Variants in HS3ST1 observed in about 807,000 individuals in gnomAD.
HS3ST1 encodes heparan sulfate glucosamine 3-O-sulfotransferase 1.
In HS3ST1, 8 loss-of-function variants were observed where a neutral mutation model predicts 20.7. The observed-to-expected ratio is 0.39, with a 90% CI of 0.23 to 0.70. The LOEUF (loss-of-function observed/expected upper bound fraction) is 0.70, where lower values mean the gene tolerates loss of function less well. Among genes scored for constraint, HS3ST1 ranks in the 30% least tolerant of loss-of-function variants. The pLI, the probability that HS3ST1 is intolerant of heterozygous loss-of-function variation, is 0.46. For synonymous variants in HS3ST1, 205 were observed against 190.4 expected (o/e 1.08, Z -0.63); for missense variants, 436 against 423.4 (o/e 1.03, Z -0.26).
chr4:11,418,405 A>G (rs190339235), intron 1 of HS3ST1, among the ~76,000 whole-genome samples: 2 of 152,362 alleles, frequency 1.3e-5, no homozygotes, highest in Admixed American at 6.5e-5. Context: ...TTCTCACAAC[A>G]AAAGTCCATA....
chr4:11,413,891 GA>G (rs112181999), intron 1 of HS3ST1, among the ~76,000 whole-genome samples: 7,385 of 150,402 alleles, frequency 0.049, 203 homozygotes, highest in Non-Finnish European at 0.055. Context: ...TTTCAAAATT[GA>G]AAAAAAAACC....
rs1718053628 is a variant in HS3ST1, at chr4:11,393,335, C to A, written c.*5747G>T. On this transcript the variant is annotated 3_prime_UTR_variant, in exon 2 of 2. Transcript: ENST00000002596. ...AATAAAAGAGCCTACTACTTGGTAACAATTTCAGCCATTATTGAATTTAAC... is the reference window on the plus strand; with the variant it reads ...AATAAAAGAGCCTACTACTTGGTAAAAATTTCAGCCATTATTGAATTTAAC... 1 of 152,216 alleles carries A rather than the reference C, an allele frequency of 6.6e-6. No homozygotes were observed. Among genetic ancestry groups the A allele is most frequent in the Non-Finnish European group, 1.5e-5 (1 of 68,036 alleles). The allele number at this position is 152,216 out of a possible 1,614,324, so 9.4% of individuals were successfully genotyped here.
intron 1 of HS3ST1, among the ~76,000 whole-genome samples, chr4:11,421,002 TCTTA>T (rs995905134): frequency 2.6e-5 from 4 of 152,232 alleles, no homozygotes; most frequent in African/African-American, 9.6e-5. Context: ...ATGACACATT[TCTTA>T]CTTTTTAGTA....
At chr4:11,408,619 T>C (rs1718533881) in intron 1 of HS3ST1, among the ~76,000 whole-genome samples, 1 of 152,184 alleles carries the variant, frequency 6.6e-6, no homozygotes, top group Non-Finnish European at 1.5e-5. Flanking sequence ...TCTCAACATG[T>C]TTAATCTGCA....
At chr4:11,415,958 C>T (rs868155620) in intron 1 of HS3ST1, among the ~76,000 whole-genome samples, 65 of 152,204 alleles carry the variant, frequency 4.3e-4, no homozygotes, top group South Asian at 1.5e-3. Flanking sequence ...GGTGAGAAGC[C>T]GGCAGGAGCA....
chr4:11,421,870 G>T (rs1394543913), intron 1 of HS3ST1, among the ~76,000 whole-genome samples: 1 of 152,100 alleles, frequency 6.6e-6, no homozygotes, highest in Non-Finnish European at 1.5e-5. Context: ...CTTTACTCTG[G>T]GCATCTCTAA....
At chr4:11,406,547 TGTTAAG>T (rs1333196608) in intron 1 of HS3ST1, among the ~76,000 whole-genome samples, 4 of 152,198 alleles carry the variant, frequency 2.6e-5, no homozygotes, top group African/African-American at 9.7e-5. Flanking sequence ...GGATACATGC[TGTTAAG>T]GTTAAATGAC....
rs189797754 is a variant in HS3ST1 at position 11,408,311 on chromosome 4, G to A, written c.-108-8198C>T. Reference sequence around the variant, plus strand: ...TGCCATACTGACTGGCCTGTGGTAAGCTCTCAAATCATGGTAGCTATTTTT... The same window carrying A: ...TGCCATACTGACTGGCCTGTGGTAAACTCTCAAATCATGGTAGCTATTTTT... On this transcript the variant is annotated intron_variant, in intron 1 of 1. Coordinates refer to ENST00000002596, the MANE Select transcript of HS3ST1 (RefSeq NM_005114.4). Among the ~76,000 whole-genome samples the A allele has an allele frequency of 3.9e-5, 6 of 152,266 alleles. No individual in the cohort carries two copies. In the East Asian group the frequency reaches 5.8e-4, roughly 15 times the overall value.
chr4:11,424,751 G>C (rs764111), intron 1 of HS3ST1, among the ~76,000 whole-genome samples: 54,379 of 151,632 alleles, frequency 0.36, 9,999 homozygotes, highest in East Asian at 0.46. Context: ...CAATGTCCCT[G>C]TGCCCTTTAG....
At chr4:11,430,316 C>A (rs1719179848), upstream of HS3ST1, among the ~76,000 whole-genome samples, 1 of 151,980 alleles carries the variant, frequency 6.6e-6, no homozygotes, top group African/African-American at 2.4e-5. Flanking sequence ...AATACAAATT[C>A]TAAAAAGTGA....
chr4:11,426,913 G>A (rs1160107454), intron 1 of HS3ST1, among the ~76,000 whole-genome samples: 1 of 152,214 alleles, frequency 6.6e-6, no homozygotes, highest in African/African-American at 2.4e-5. Flanking sequence ...AACGGGAAGG[G>A]TAAGGCAGGG....
intron 1 of HS3ST1, among the ~76,000 whole-genome samples, chr4:11,406,917 T>C (rs1367116293): frequency 1.3e-5 from 2 of 152,190 alleles, no homozygotes; most frequent in East Asian, 3.8e-4. Flanking sequence ...ATTTTTTCAT[T>C]GTTAAGAACG....
chr4:11,413,774 C>T lies in HS3ST1; in HGVS notation c.-108-13661G>A, dbSNP rs117561701. ...TTGTGGGAAGAGCACAGAGGCTCAT[C>T]GATAATGGACTGAGAGATCTACATG... On this transcript the variant is annotated intron_variant, in intron 1 of 1. Coordinates refer to ENST00000002596, the MANE Select transcript of HS3ST1 (RefSeq NM_005114.4). Among the ~76,000 whole-genome samples, 237 of 148,896 alleles carry T rather than the reference C, an allele frequency of 1.6e-3. 1 individual carries two copies. In the East Asian group the frequency reaches 0.031, roughly 20 times the overall value.
chr4:11,431,021 G>T (rs144676287), upstream of HS3ST1, among the ~76,000 whole-genome samples: 126 of 152,216 alleles, frequency 8.3e-4, 2 homozygotes, highest in East Asian at 0.023. Flanking sequence ...CATGAGTTAG[G>T]TTTCTTATCC....
intron 1 of HS3ST1, among the ~76,000 whole-genome samples, chr4:11,421,110 A>G (rs1234362254): frequency 6.6e-6 from 1 of 152,170 alleles, no homozygotes; most frequent in Non-Finnish European, 1.5e-5. Flanking sequence ...AATCTGGCAA[A>G]TCTACACAAG....
At chr4:11,423,015 C>A (rs1281015368) in intron 1 of HS3ST1, among the ~76,000 whole-genome samples, 1 of 81,032 alleles carries the variant, frequency 1.2e-5, no homozygotes, top group Non-Finnish European at 2.1e-5. Context: ...AAGAGCGAGA[C>A]ACCGTCAAAA....
intron 1 of HS3ST1, among the ~76,000 whole-genome samples, chr4:11,411,196 C>A (rs1164314173): frequency 6.6e-6 from 1 of 152,118 alleles, no homozygotes; most frequent in East Asian, 1.9e-4. Context: ...AGAGCAATGA[C>A]AAAGCGGCAT....
rs551818971 is a variant in HS3ST1 at position 11,397,113 on chromosome 4, T to C, written c.*1969A>G. On this transcript the variant is annotated 3_prime_UTR_variant, in exon 2 of 2. Transcript: ENST00000002596. Reference sequence around the variant, plus strand: ...CTGGGCCCTCTTATTTCTTCAGCTCTTCAAGGAGTATGGTAAAAGCAAGAT... The same window carrying C: ...CTGGGCCCTCTTATTTCTTCAGCTCCTCAAGGAGTATGGTAAAAGCAAGAT... The C allele has an allele frequency of 6.6e-6, 1 of 152,394 alleles. No homozygotes were observed. Among genetic ancestry groups the C allele is most frequent in the African/African-American group, 2.4e-5 (1 of 41,580 alleles). The allele number at this position is 152,394 out of a possible 1,614,324, so 9.4% of individuals were successfully genotyped here.
intron 1 of HS3ST1, among the ~76,000 whole-genome samples, chr4:11,408,919 A>C (rs991831277): frequency 6.6e-6 from 1 of 152,234 alleles, no homozygotes. Flanking sequence ...GCTGGGGTGG[A>C]CAGTCATCTG....
Sources: allele counts gnomAD v4.1 joint callset (sites outside exome capture counted in the v4.1 genomes callset), GRCh38; gene constraint gnomAD v4.1.1; transcripts MANE v1.5; gene names NCBI Gene and HGNC (gene_info 2026-07-23, HGNC 2026-07-21).